Variants in TAOK2 observed in about 807,000 individuals in gnomAD.
TAOK2 encodes serine/threonine-protein kinase TAO2.
TAOK2 carries 42 observed loss-of-function variants against 122.5 expected under a neutral mutation model. The observed-to-expected ratio is 0.34, with a 90% CI of 0.27 to 0.44. TAOK2 has a LOEUF of 0.44. TAOK2 is among the 20% of genes least tolerant of loss of function. TAOK2 has a pLI of 1.00. For missense variants in TAOK2, 1,264 were observed against 1,644.9 expected, an observed-to-expected ratio of 0.77 and a Z score of 4.01; for synonymous variants, 704 against 677.6, an observed-to-expected ratio of 1.04 and a Z score of -0.61.
intron 4 of TAOK2, 133 bp from the exon 5 acceptor site, chr16:29,978,666 C>G: frequency 1.0e-6 from 1 of 989,994 alleles, no homozygotes; most frequent in African/African-American, 1.6e-5. Context: ...CCACCACCCC[C>G]TCATTGTCTC....
Position 29,985,959 on chromosome 16 carries a change from C to T in TAOK2, c.1992+98C>T. ...CATTCTTGTCTTCTTTCTCCTTGGC[C>T]CTCGAGTGTTACAGTTCAGCTTTGC... On this transcript the variant is annotated intron_variant, in intron 15 of 15. Transcript: ENST00000308893. This position sits in a 1 kb window ranked among gnomAD's most constrained non-coding sequence, Gnocchi z 6.9. 2 of 1,409,820 alleles carry T rather than the reference C, an allele frequency of 1.4e-6. No individual in the cohort carries two copies. The highest frequency in any genetic ancestry group is 1.9e-6 in the Non-Finnish European group (2 of 1,031,376). 87.3% of individuals were successfully genotyped at this position (1,409,820 alleles called of 1,614,324 possible). A position where few individuals can be genotyped will look rare whatever the true frequency, so the allele number is the denominator to read the frequency against.
Position 29,985,962 on chromosome 16 carries a change from C to T in TAOK2, c.1992+101C>T, listed in dbSNP as rs1164044403. ...TCTTGTCTTCTTTCTCCTTGGCCCT[C>T]GAGTGTTACAGTTCAGCTTTGCTTC... On this transcript the variant is annotated intron_variant, in intron 15 of 15. Transcript: ENST00000308893. The surrounding 1 kb of genome is among the most constrained non-coding windows in gnomAD (Gnocchi z 6.9). The T allele has an allele frequency of 1.4e-5, 19 of 1,392,998 alleles. No homozygotes were observed. Among genetic ancestry groups the T allele is most frequent in the East Asian group, 2.5e-5 (1 of 40,296 alleles). The allele number at this position is 1,392,998 out of a possible 1,614,324, so 86.3% of individuals were successfully genotyped here.
chr16:29,981,447 C>T (rs1056636245), intron 8 of TAOK2: 1 of 624,624 alleles, frequency 1.6e-6, no homozygotes, highest in Non-Finnish European at 2.9e-6. Flanking sequence ...TTTTCTTTGA[C>T]CCCTATTCCA....
In TAOK2 at chr16:29,981,870, T is replaced by A; in HGVS notation, c.761T>A (p.Phe254Tyr). The change falls in exon 10 of 16, where the codon TTC (phenylalanine) becomes TAC (tyrosine). Residue 254 changes from phenylalanine to tyrosine, a missense_variant. Transcript: ENST00000308893. ...CCTGTGACTTTCAGGTCTGAGTACT[T>A]CCGGAATTTTGTCGACTCCTGTCTT... Reference protein sequence around the residue: ...VLQSGHWSEYFRNFVDSCLQK... With the variant: ...VLQSGHWSEYYRNFVDSCLQK... The A allele has an allele frequency of 1.9e-6, 3 of 1,614,046 alleles. No homozygotes were observed. Among genetic ancestry groups the A allele is most frequent in the Non-Finnish European group, 2.5e-6 (3 of 1,179,948 alleles).
rs1039325130 is a variant in TAOK2 at position 29,988,355 on chromosome 16, A to G, written c.*375A>G. The G allele has an allele frequency of 6.6e-6, 9 of 1,359,728 alleles. No homozygotes were observed. Among genetic ancestry groups the G allele is most frequent in the Non-Finnish European group, 7.7e-6 (8 of 1,035,344 alleles). 84.2% of individuals were successfully genotyped at this position (1,359,728 alleles called of 1,614,324 possible). Reference sequence around the variant, plus strand: ...ACCTGTCCCCTTCCCCCCACCAAAAAAAGAAAAAGACAAACACAAATAAAA... The same window carrying G: ...ACCTGTCCCCTTCCCCCCACCAAAAGAAGAAAAAGACAAACACAAATAAAA... On this transcript the variant is annotated 3_prime_UTR_variant, in exon 16 of 16. Transcript: ENST00000308893.
At chr16:29,981,426 TG>T in intron 8 of TAOK2, 1 of 611,334 alleles carries the variant, frequency 1.6e-6, no homozygotes, top group Non-Finnish European at 2.9e-6. Context: ...TTACTGCTTT[TG>T]TGGATGTTAT....
At position 29,988,342 on chromosome 16, in the gene TAOK2, C is replaced by T; in HGVS notation, c.*362C>T. The T allele has an allele frequency of 7.2e-7, 1 of 1,390,140 alleles. No individual in the cohort carries two copies. The highest frequency in any genetic ancestry group is 9.5e-7 in the Non-Finnish European group (1 of 1,054,646). 86.1% of individuals were successfully genotyped at this position (1,390,140 alleles called of 1,614,324 possible). On this transcript the variant is annotated 3_prime_UTR_variant, in exon 16 of 16. Transcript: ENST00000308893. Reference sequence around the variant, plus strand: ...TGTCTCCCTTCCAACCTGTCCCCTTCCCCCCACCAAAAAAAGAAAAAGACA... The same window carrying T: ...TGTCTCCCTTCCAACCTGTCCCCTTTCCCCCACCAAAAAAAGAAAAAGACA...
In TAOK2 at chr16:29,987,013, C is replaced by T; in HGVS notation, c.2741C>T (p.Pro914Leu). The change falls in exon 16 of 16, where the codon CCT (proline) becomes CTT (leucine). Residue 914 changes from proline (P) to leucine (L), a missense_variant. By Grantham distance (98) the Pro-to-Leu change is moderately conservative. Around this residue, in one of 4 missense-constraint regions of TAOK2, gnomAD observed 824 missense variants for 908.7 expected, o/e 0.91. Coordinates refer to ENST00000308893, the MANE Select transcript of TAOK2 (RefSeq NM_016151.4). ...GAAGAGGGGGCTCCGATTGGGACCC[C>T]TAGGGATCCTGGAGATGGTTGTCCT... The part of the protein sequence containing the change: ...EEEEGAPIGT[P>L]RDPGDGCPSP... 6.2e-7 allele frequency: 1 copy of T among 1,612,636 alleles called. No homozygotes were observed. The highest frequency in any genetic ancestry group is 8.5e-7 in the Non-Finnish European group (1 of 1,179,080).
In TAOK2 at chr16:29,986,595, CCCTGCTCACCTGGCCAGGAGGCAGT is replaced by C; in HGVS notation, c.2328_2352del (p.Cys776TrpfsTer63). The C allele has an allele frequency of 6.2e-7, 1 of 1,613,378 alleles. No homozygotes were observed. The highest frequency in any genetic ancestry group is 8.5e-7 in the Non-Finnish European group (1 of 1,179,670). On this transcript the variant is annotated frameshift_variant, in exon 16 of 16. Transcript: ENST00000308893. LOFTEE classifies it high-confidence loss of function. This position sits in a 1 kb window ranked among gnomAD's most constrained non-coding sequence, Gnocchi z 4.2. ...CACAGGCACCCCTATAGAACAGCAGCCCTGCTCACCTGGCCAGGAGGCAGTCCTGGACCAAAGAATGCTTGGCGAG... is the reference window on the plus strand; with the variant it reads ...CACAGGCACCCCTATAGAACAGCAGCCCTGGACCAAAGAATGCTTGGCGAG...
chr16:29,977,629 T>G, intron 1 of TAOK2, 109 bp from the exon 2 acceptor site: 1 of 1,044,970 alleles, frequency 9.6e-7, no homozygotes, highest in Non-Finnish European at 1.3e-6. Context: ...CAGCAGTGCC[T>G]CCTCCTCATC....
rs768599412 is a variant in TAOK2, at chr16:29,979,369, CAG to C, written c.564-47_564-46del. ...CCAGGGATGTTGGGAGTAGGAGTGA[CAG>C]GGTCTCGGCGGGTGATTTGCCTCTC... On this transcript the variant is annotated intron_variant, in intron 7 of 15. Transcript: ENST00000308893. This position sits in a 1 kb window ranked among gnomAD's most constrained non-coding sequence, Gnocchi z 4.1. 7 of 1,608,820 alleles carry C rather than the reference CAG, an allele frequency of 4.4e-6. No homozygotes were observed. The highest frequency in any genetic ancestry group is 1.3e-5 in the African/African-American group (1 of 74,894).
At position 29,983,193 on chromosome 16, in the gene TAOK2, C is replaced by T. The variant is rs1214795018; in HGVS notation, c.1121C>T (p.Ala374Val). 1.2e-6 allele frequency: 2 copies of T among 1,613,744 alleles called. No individual in the cohort carries two copies. The highest frequency in any genetic ancestry group is 2.7e-5 in the African/African-American group (2 of 74,816). Residue 374 changes from alanine to valine, a missense_variant, in exon 12 of 16, where the codon GCC becomes GTC. Ala to Val is a moderately conservative substitution (Grantham distance 64). Coordinates refer to ENST00000308893, the MANE Select transcript of TAOK2 (RefSeq NM_016151.4). ...QSSSVNSLAD[A>V]SDNEEEEEEE... ...AGCTCCGTCAACAGCCTAGCAGATG[C>T]CTCAGACAACGAGGAAGAGGAGGAG...
Position 29,986,215 on chromosome 16 carries a change from A to G in TAOK2, c.1993-50A>G. 2.7e-6 allele frequency: 4 copies of G among 1,502,068 alleles called. No individual in the cohort carries two copies. Among genetic ancestry groups the G allele is most frequent in the Non-Finnish European group, 3.5e-6 (4 of 1,127,764 alleles). 93.0% of individuals were successfully genotyped at this position (1,502,068 alleles called of 1,614,324 possible). A position where few individuals can be genotyped will look rare whatever the true frequency, so the allele number is the denominator to read the frequency against. On this transcript the variant is annotated intron_variant, in intron 15 of 15. Coordinates refer to ENST00000308893, the MANE Select transcript of TAOK2 (RefSeq NM_016151.4). This position sits in a 1 kb window ranked among gnomAD's most constrained non-coding sequence, Gnocchi z 4.2. ...CTCTGCCAAGGAGCCCTGGCCTCTC[A>G]CTTCCTTGATACTGACCAGGCCCCG...
chr16:29,977,318 C>A (rs1329252625), intron 1 of TAOK2, among the ~76,000 whole-genome samples: 3 of 152,104 alleles, frequency 2.0e-5, no homozygotes, highest in African/African-American at 7.2e-5. Context: ...GGGGCCTCAG[C>A]GCCAAGGGGA....
rs748013785 is a variant in TAOK2, at chr16:29,985,354, G to A, written c.1564G>A (p.Ala522Thr). 11 of 1,611,862 alleles carry A rather than the reference G, an allele frequency of 6.8e-6. No homozygotes were observed. In the African/African-American group the frequency reaches 9.3e-5, roughly 14 times the overall value. The change falls in exon 14 of 16, where the codon GCA (alanine) becomes ACA (threonine). Residue 522 changes from alanine to threonine, a missense_variant. Physicochemically the swap from Ala to Thr is moderately conservative, Grantham distance 58. This residue lies in a region of TAOK2 where 64 missense variants were observed against 115.7 expected (regional missense o/e 0.55). Coordinates refer to ENST00000308893, the MANE Select transcript of TAOK2 (RefSeq NM_016151.4). The surrounding 1 kb of genome is among the most constrained non-coding windows in gnomAD (Gnocchi z 6.9). ...RLRGEREEHS[A>T]RLQRELEAQR... Reference sequence around the variant, plus strand: ...GAGGGGTGAACGGGAGGAGCACAGTGCACGGCTGCAGCGGGAGCTTGAGGC... The same window carrying A: ...GAGGGGTGAACGGGAGGAGCACAGTACACGGCTGCAGCGGGAGCTTGAGGC...
intron 13 of TAOK2, 146 bp downstream of exon 13, chr16:29,983,810 A>C: frequency 4.0e-6 from 5 of 1,264,806 alleles, no homozygotes; most frequent in South Asian, 1.5e-5. Context: ...GCTCCCCTTA[A>C]CCCTCCTGCT....
intron 1 of TAOK2, among the ~76,000 whole-genome samples, chr16:29,975,998 A>G (rs566516152): frequency 6.6e-6 from 1 of 152,192 alleles, no homozygotes; most frequent in Non-Finnish European, 1.5e-5. Context: ...TCATCTGTAG[A>G]ATGGAGATAA....
chr16:29,985,175 A>T lies in TAOK2; in HGVS notation c.1423-38A>T, dbSNP rs2069744533. On this transcript the variant is annotated intron_variant, in intron 13 of 15. Transcript: ENST00000308893. This position sits in a 1 kb window ranked among gnomAD's most constrained non-coding sequence, Gnocchi z 6.9. ...CCCTTGTGTTAATTAACTAGGGGCCAGGCTGAGCCCCAGCTCTCACCCTCT... is the reference window on the plus strand; with the variant it reads ...CCCTTGTGTTAATTAACTAGGGGCCTGGCTGAGCCCCAGCTCTCACCCTCT... 1 of 1,477,532 alleles carries T rather than the reference A, an allele frequency of 6.8e-7. No individual in the cohort carries two copies. Among genetic ancestry groups the T allele is most frequent in the Admixed American group, 2.4e-5 (1 of 40,902 alleles). The allele number at this position is 1,477,532 out of a possible 1,614,324, so 91.5% of individuals were successfully genotyped here.
chr16:29,974,104 G>A lies in TAOK2; in HGVS notation c.-580G>A, dbSNP rs1459977977. ...CCGGCGTGAGAGGGGCCGTGCGGCCGGACGTCCTCGGGGTGGGCCCCCAGT... is the reference window on the plus strand; with the variant it reads ...CCGGCGTGAGAGGGGCCGTGCGGCCAGACGTCCTCGGGGTGGGCCCCCAGT... On this transcript the variant is annotated 5_prime_UTR_variant, in exon 1 of 16. Coordinates refer to ENST00000308893, the MANE Select transcript of TAOK2 (RefSeq NM_016151.4). 1 of 152,252 alleles carries A rather than the reference G, an allele frequency of 6.6e-6. No individual in the cohort carries two copies. The allele number at this position is 152,252 out of a possible 1,614,324, so 9.4% of individuals were successfully genotyped here.
Sources: gnomAD v4.1 joint callset for allele counts (sites outside exome capture counted in the v4.1 genomes callset) on GRCh38, gnomAD v4.1.1 for gene constraint, gnomAD v4.1.1 regional missense constraint, Gnocchi (gnomAD v3.1) non-coding constraint, MANE v1.5 for transcripts, NCBI Gene and HGNC (gene_info 2026-07-23, HGNC 2026-07-21) for gene names.